The following PRKN variants were observed in gnomAD, a reference collection of about 807,000 sequenced individuals.
PRKN encodes E3 ubiquitin-protein ligase parkin.
A neutral mutation model predicts 59.5 loss-of-function variants in PRKN; 56 were observed. The observed-to-expected ratio is 0.94, with a 90% CI of 0.76 to 1.18. The LOEUF is 1.18. PRKN is among the 50% of genes most tolerant of loss of function. The pLI is 0.00. For synonymous variants in PRKN, 250 were observed against 222.1 expected, an observed-to-expected ratio of 1.13 and a Z score of -1.12; for missense variants, 657 against 596.4, an observed-to-expected ratio of 1.10 and a Z score of -1.06.
chr6:161,675,494 CTCTG>C (rs771577557), intron 7 of PRKN, among the ~76,000 whole-genome samples: 23 of 152,210 alleles, frequency 1.5e-4, no homozygotes, highest in East Asian at 7.7e-4. Flanking sequence ...AATTTAATAA[CTCTG>C]TCTGATAAAA....
rs1254055631 is a variant in PRKN, at chr6:161,385,468, G to C, written c.1167+1326C>G. Among the ~76,000 whole-genome samples, 3 of 152,180 alleles carry C rather than the reference G, an allele frequency of 2.0e-5. No individual in the cohort carries two copies. Among genetic ancestry groups the C allele is most frequent in the East Asian group, 1.9e-4 (1 of 5,196 alleles). ...ACCTTAATCTTTAACACCAAGGCTG[G>C]ATGGTTCCTCTTGACTGAAGAATGA... On this transcript the variant is annotated intron_variant, in intron 10 of 11. Transcript: ENST00000366898. This position sits in a 1 kb window ranked among gnomAD's most constrained non-coding sequence, Gnocchi z 4.9.
intron 6 of PRKN, among the ~76,000 whole-genome samples, chr6:161,882,967 A>G (rs571846785): frequency 1.3e-5 from 2 of 151,834 alleles, no homozygotes; most frequent in Admixed American, 1.3e-4. Flanking sequence ...ATCATGCCAC[A>G]GCACTCCAGC....
intron 5 of PRKN, among the ~76,000 whole-genome samples, chr6:162,015,625 G>T (rs1452263754): frequency 6.6e-6 from 1 of 152,110 alleles, no homozygotes; most frequent in Non-Finnish European, 1.5e-5. Flanking sequence ...ACCTTCCACT[G>T]CTCACCCTTC....
chr6:162,349,358 T>C (rs1454692094), intron 2 of PRKN, among the ~76,000 whole-genome samples: 2 of 151,992 alleles, frequency 1.3e-5, no homozygotes, highest in African/African-American at 4.8e-5. Context: ...CCCAGCTACA[T>C]GAGGGGGCAG....
intron 7 of PRKN, among the ~76,000 whole-genome samples, chr6:161,725,515 G>A (rs561865115): frequency 1.3e-5 from 2 of 152,312 alleles, no homozygotes; most frequent in East Asian, 1.9e-4. Context: ...GCAGGGAAGA[G>A]CCTGAATCTT....
At chr6:162,039,244 G>A (rs147315717) in intron 5 of PRKN, among the ~76,000 whole-genome samples, 36 of 152,050 alleles carry the variant, frequency 2.4e-4, no homozygotes, top group Non-Finnish European at 4.9e-4. Context: ...TTCTAGCCCT[G>A]CCTGAATGAA....
At position 161,400,297 on chromosome 6, in the gene PRKN, A is replaced by T. The variant is rs891456781; in HGVS notation, c.1084-13420T>A. Among the ~76,000 whole-genome samples the T allele has an allele frequency of 1.3e-5, 2 of 151,668 alleles. No homozygotes were observed. Among genetic ancestry groups the T allele is most frequent in the African/African-American group, 4.8e-5 (2 of 41,290 alleles). Reference sequence around the variant, plus strand: ...GCTGGGGACATGGGGAAGATTAGAAAATTAAACCTAATCTTTTTTTTTTTT... The same window carrying T: ...GCTGGGGACATGGGGAAGATTAGAATATTAAACCTAATCTTTTTTTTTTTT... On this transcript the variant is annotated intron_variant, in intron 9 of 11. Coordinates refer to ENST00000366898, the MANE Select transcript of PRKN (RefSeq NM_004562.3). This position sits in a 1 kb window ranked among gnomAD's most constrained non-coding sequence, Gnocchi z 4.2.
chr6:162,685,410 G>C (rs1779932269), intron 1 of PRKN, among the ~76,000 whole-genome samples: 2 of 151,882 alleles, frequency 1.3e-5, no homozygotes, highest in African/African-American at 4.8e-5. Flanking sequence ...TCATACAAAA[G>C]TAAATATATA....
chr6:161,644,163 A>G (rs376791392), intron 7 of PRKN, among the ~76,000 whole-genome samples: 1 of 152,182 alleles, frequency 6.6e-6, no homozygotes, highest in Non-Finnish European at 1.5e-5. Flanking sequence ...GTGAGCAATG[A>G]GGGATGCTTG....
intron 4 of PRKN, among the ~76,000 whole-genome samples, chr6:162,130,374 C>T (rs534291087): frequency 1.1e-4 from 17 of 152,192 alleles, no homozygotes; most frequent in African/African-American, 3.1e-4. Context: ...AACCTCTTCA[C>T]GGGTAACAAC....
intron 9 of PRKN, among the ~76,000 whole-genome samples, chr6:161,430,911 G>A (rs796939218): frequency 7.3e-5 from 11 of 151,364 alleles, no homozygotes; most frequent in Non-Finnish European, 1.0e-4. Flanking sequence ...CAAGGCAGGC[G>A]GATCACCTGA....
At position 161,372,825 on chromosome 6, in the gene PRKN, AT is replaced by A. The variant is rs11293379; in HGVS notation, c.1168-12621del. 0.16 allele frequency among the ~76,000 whole-genome samples: 17,920 copies of A among 114,324 alleles called. 857 individuals are homozygous for A. The highest frequency in any genetic ancestry group is 0.22 in the African/African-American group (6,460 of 29,566). The allele number at this position is 114,324 out of a possible 152,430, so 75.0% of individuals were successfully genotyped here. ...TGGTCAACAAAGACAGAGAGACCCT[AT>A]TTTTTTTTTTTTTTTTTTTTTGAGA... On this transcript the variant is annotated intron_variant, in intron 10 of 11. Transcript: ENST00000366898. The surrounding 1 kb of genome is among the most constrained non-coding windows in gnomAD (Gnocchi z 4.2).
intron 1 of PRKN, chr6:162,568,570 A>C: frequency 1.4e-6 from 1 of 737,758 alleles, no homozygotes; most frequent in Non-Finnish European, 2.3e-6. Flanking sequence ...GCCGTGCAGG[A>C]GCAGGAGAAG....
At chr6:161,479,705 G>T (rs1014414523) in intron 9 of PRKN, among the ~76,000 whole-genome samples, 16 of 152,314 alleles carry the variant, frequency 1.1e-4, no homozygotes, top group Middle Eastern at 3.4e-3. Flanking sequence ...TTACTTTTGA[G>T]CAATTTGGCT....
intron 7 of PRKN, among the ~76,000 whole-genome samples, chr6:161,750,716 G>A (rs1343936778): frequency 2.7e-5 from 4 of 148,726 alleles, no homozygotes; most frequent in East Asian, 4.0e-4. Flanking sequence ...GCAGTGAGCC[G>A]AGATCACACC....
rs529361464 is a variant in PRKN at position 162,114,233 on chromosome 6, G to T, written c.535-60059C>A. On this transcript the variant is annotated intron_variant, in intron 4 of 11. Transcript: ENST00000366898. ...GGTTCCATATGAACTTTAAAGTATT[G>T]TTTTCCAATTCTGTGAAGAAAGTCA... 7.2e-5 allele frequency among the ~76,000 whole-genome samples: 11 copies of T among 151,950 alleles called. No individual in the cohort carries two copies. In the Middle Eastern group the frequency reaches 0.01, roughly 141 times the overall value.
chr6:162,699,565 G>GT (rs1778080593), intron 1 of PRKN, among the ~76,000 whole-genome samples: 1 of 152,136 alleles, frequency 6.6e-6, no homozygotes, highest in South Asian at 2.1e-4. Context: ...TGTTTGCCAG[G>GT]TTCTTTTTAA....
chr6:162,122,459 C>T (rs1583063978), intron 4 of PRKN, among the ~76,000 whole-genome samples: 1 of 152,116 alleles, frequency 6.6e-6, no homozygotes, highest in East Asian at 1.9e-4. Flanking sequence ...TTCCTGTCTG[C>T]CTTGTTTCTA....
chr6:162,417,179 T>C (rs1226312252), intron 2 of PRKN, among the ~76,000 whole-genome samples: 1 of 152,216 alleles, frequency 6.6e-6, no homozygotes, highest in Non-Finnish European at 1.5e-5. Context: ...AATGTGGCCA[T>C]AGTTGTGATA....
Sources: allele counts gnomAD v4.1 joint callset (sites outside exome capture counted in the v4.1 genomes callset), GRCh38; gene constraint gnomAD v4.1.1; non-coding constraint Gnocchi (gnomAD v3.1); transcripts MANE v1.5; gene names NCBI Gene and HGNC (gene_info 2026-07-23, HGNC 2026-07-21).